The following FOXP2 variants were observed in gnomAD, a reference collection of about 807,000 sequenced individuals.
The protein encoded by FOXP2 is forkhead box protein P2.
Under a neutral mutation model 115.8 loss-of-function variants are expected in FOXP2, and 12 were observed. That is an observed-to-expected ratio of 0.10 (90% CI 0.07 to 0.17). The LOEUF is 0.17. Among genes scored for constraint, FOXP2 ranks in the 10% least tolerant of loss-of-function variants. FOXP2 has a pLI of 1.00. For missense variants in FOXP2, 629 were observed against 843.5 expected (o/e 0.75, Z 3.15); for synonymous variants, 328 against 297.7 (o/e 1.10, Z -1.05).
At chr7:114,664,460 T>A (rs1412457527) in intron 16 of FOXP2, 24 bp downstream of exon 16, 2 of 1,612,630 alleles carry the variant, frequency 1.2e-6, no homozygotes, top group Middle Eastern at 1.6e-4. Flanking sequence ...ACAGACTCTC[T>A]AAAGGGAAGA....
chr7:114,159,047 G>A (rs960671197), upstream of FOXP2, among the ~76,000 whole-genome samples: 2 of 152,120 alleles, frequency 1.3e-5, no homozygotes, highest in Non-Finnish European at 2.9e-5. Context: ...GGATGTATAT[G>A]TTCGAGAATC....
At chr7:114,211,841 G>A (rs1794360362) in intron 1 of FOXP2, among the ~76,000 whole-genome samples, 1 of 152,116 alleles carries the variant, frequency 6.6e-6, no homozygotes. Flanking sequence ...GGGAGGCCAG[G>A]GAGGGCAGAT....
chr7:114,689,585 T>C (rs1808549888), intron 16 of FOXP2, among the ~76,000 whole-genome samples, 197 bp from the exon 17 acceptor site: 1 of 152,162 alleles, frequency 6.6e-6, no homozygotes, highest in South Asian at 2.1e-4. Flanking sequence ...CTCACATTAC[T>C]CTGAATCCCT....
chr7:114,676,076 T>A (rs1209236558), intron 16 of FOXP2, among the ~76,000 whole-genome samples: 9 of 58,320 alleles, frequency 1.5e-4, no homozygotes, highest in Non-Finnish European at 2.4e-4. Context: ...GGCCCGGCTA[T>A]TTTTTTTTTT....
In FOXP2 at chr7:114,433,443, AT is replaced by A. The variant is rs1363788644; in HGVS notation, c.168+6767del. On this transcript the variant is annotated intron_variant, in intron 2 of 16. Coordinates refer to ENST00000350908, the MANE Select transcript of FOXP2 (RefSeq NM_014491.4). ...TTCTCAAAATTAGTTGAAAAAAAAT[AT>A]TTAGGCTGTTTCTCCAAAGTTGTAT... Among the ~76,000 whole-genome samples, 6 of 152,164 alleles carry A rather than the reference AT, an allele frequency of 3.9e-5. No individual in the cohort carries two copies. In the East Asian group the frequency reaches 1.2e-3, roughly 29 times the overall value.
intron 2 of FOXP2, among the ~76,000 whole-genome samples, chr7:114,380,638 G>A (rs769899858): frequency 1.8e-4 from 27 of 152,198 alleles, no homozygotes; most frequent in African/African-American, 5.1e-4. Flanking sequence ...GTGTGCAGTC[G>A]CAGCACTGGC....
chr7:114,371,561 C>T (rs897355595), intron 2 of FOXP2, among the ~76,000 whole-genome samples: 2 of 151,850 alleles, frequency 1.3e-5, no homozygotes, highest in Non-Finnish European at 2.9e-5. Flanking sequence ...GAAAAATAAA[C>T]CCTGCATTTG....
chr7:114,230,401 C>A (rs1318802083), intron 1 of FOXP2, among the ~76,000 whole-genome samples: 1 of 151,832 alleles, frequency 6.6e-6, no homozygotes. Flanking sequence ...GATACCAAAG[C>A]CAGATAAAGA....
intron 2 of FOXP2, among the ~76,000 whole-genome samples, chr7:114,527,617 A>G (rs1002859821): frequency 2.0e-5 from 3 of 152,258 alleles, no homozygotes; most frequent in Admixed American, 1.3e-4. Context: ...GCTCTGCATT[A>G]TATTTACTGT....
intron 1 of FOXP2, among the ~76,000 whole-genome samples, chr7:114,193,163 T>C (rs897523469): frequency 2.0e-5 from 3 of 152,214 alleles, no homozygotes; most frequent in Non-Finnish European, 4.4e-5. Flanking sequence ...TTTAATACTG[T>C]AACGTAATTT....
intron 2 of FOXP2, among the ~76,000 whole-genome samples, chr7:114,467,285 C>A (rs1469958545): frequency 6.6e-6 from 1 of 152,130 alleles, no homozygotes; most frequent in Non-Finnish European, 1.5e-5. Flanking sequence ...ATGTGATACT[C>A]ATTTTAAATA....
intron 2 of FOXP2, among the ~76,000 whole-genome samples, chr7:114,304,626 C>T (rs976015947): frequency 1.5e-4 from 20 of 129,308 alleles, no homozygotes; most frequent in East Asian, 1.4e-3. Flanking sequence ...GCCAAGATCG[C>T]GCAACTGCAC....
chr7:114,464,843 C>T (rs1795735332), intron 2 of FOXP2, among the ~76,000 whole-genome samples: 1 of 152,184 alleles, frequency 6.6e-6, no homozygotes, highest in African/African-American at 2.4e-5. Flanking sequence ...TTGTGACATA[C>T]TACTCTACTC....
rs944235743 is a variant in FOXP2 at position 114,428,045 on chromosome 7, T to G, written c.168+1366T>G. 2.0e-5 allele frequency among the ~76,000 whole-genome samples: 3 copies of G among 151,638 alleles called. No homozygotes were observed. In the East Asian group the frequency reaches 5.8e-4, roughly 29 times the overall value. The stretch of plus-strand genomic sequence containing the variant: ...ATACAGTTTTTCAGGATAGCCCTTT[T>G]CTGCCTTTGGTGTATTCGCAGGAAA... On this transcript the variant is annotated intron_variant, in intron 2 of 16. Coordinates refer to ENST00000350908, the MANE Select transcript of FOXP2 (RefSeq NM_014491.4).
chr7:114,265,362 T>C (rs1346419411), intron 1 of FOXP2, among the ~76,000 whole-genome samples: 1 of 152,100 alleles, frequency 6.6e-6, no homozygotes, highest in Non-Finnish European at 1.5e-5. Context: ...ACCTGAAAGC[T>C]CCAAAATAAT....
At chr7:114,088,626 G>A (rs1378865315) in intron 1 of FOXP2, among the ~76,000 whole-genome samples, 1 of 152,238 alleles carries the variant, frequency 6.6e-6, no homozygotes, top group East Asian at 1.9e-4. Flanking sequence ...GCAAGTCTGT[G>A]TTAGAGGTCA....
intron 2 of FOXP2, among the ~76,000 whole-genome samples, chr7:114,290,441 C>T (rs1359524356): frequency 6.6e-6 from 1 of 151,980 alleles, no homozygotes; most frequent in Non-Finnish European, 1.5e-5. Context: ...AATGAAATAT[C>T]AGTTTTAGTT....
At chr7:114,609,912 T>G (rs1358871863) in intron 3 of FOXP2, among the ~76,000 whole-genome samples, 1 of 152,254 alleles carries the variant, frequency 6.6e-6, no homozygotes, top group Non-Finnish European at 1.5e-5. Flanking sequence ...TGCTGCATTT[T>G]CATCGTGGTT....
chr7:114,141,675 C>T (rs1393908833), intron 1 of FOXP2, among the ~76,000 whole-genome samples: 1 of 152,172 alleles, frequency 6.6e-6, no homozygotes, highest in Non-Finnish European at 1.5e-5. Context: ...CAAATACCAT[C>T]ACTTCCTTTG....
Sources: allele counts gnomAD v4.1 joint callset (sites outside exome capture counted in the v4.1 genomes callset), GRCh38; gene constraint gnomAD v4.1.1; transcripts MANE v1.5; gene names NCBI Gene and HGNC (gene_info 2026-07-23, HGNC 2026-07-21).